DPP6: variants seen among roughly 807,000 people sequenced by gnomAD.
DPP6 encodes the protein dipeptidyl peptidase like 6.
A neutral mutation model predicts 122.6 loss-of-function variants in DPP6; 69 were observed. The observed-to-expected ratio is 0.56, with a 90% CI of 0.46 to 0.69. DPP6 has a LOEUF of 0.69. DPP6 is among the 30% of genes least tolerant of loss of function. DPP6 has a pLI of 0.00. For synonymous variants in DPP6, 418 were observed against 433.1 expected (o/e 0.97, Z 0.43); for missense variants, 928 against 1,116.9 (o/e 0.83, Z 2.41).
chr7:154,393,378 T>C (rs182692587), intron 1 of DPP6, among the ~76,000 whole-genome samples: 1 of 152,342 alleles, frequency 6.6e-6, no homozygotes, highest in African/African-American at 2.4e-5. Flanking sequence ...GCCTGGTATG[T>C]GGACCAAGTA....
intron 1 of DPP6, among the ~76,000 whole-genome samples, chr7:154,242,083 G>T (rs982257329): frequency 6.6e-6 from 1 of 152,202 alleles, no homozygotes; most frequent in Admixed American, 6.5e-5. Flanking sequence ...TCCTTAGAAA[G>T]TGCTGTCAGT....
At chr7:154,092,091 C>T (rs925800845) in intron 1 of DPP6, 3 of 152,224 alleles carry the variant, frequency 2.0e-5, no homozygotes. Context: ...CCTACCTGCT[C>T]TCCCACCTGT....
At chr7:154,220,422 G>A (rs1044576725) in intron 1 of DPP6, among the ~76,000 whole-genome samples, 2 of 152,154 alleles carry the variant, frequency 1.3e-5, no homozygotes, top group Non-Finnish European at 2.9e-5. Context: ...TAGCTAACTG[G>A]GGAAGGTGGG....
chr7:154,237,729 A>G (rs1189990917), intron 1 of DPP6, among the ~76,000 whole-genome samples: 2 of 152,198 alleles, frequency 1.3e-5, no homozygotes, highest in Non-Finnish European at 2.9e-5. Context: ...CAGATGCTTC[A>G]GGGATCTGCA....
At chr7:154,817,516 C>G (rs1799493954) in intron 16 of DPP6, among the ~76,000 whole-genome samples, 1 of 151,834 alleles carries the variant, frequency 6.6e-6, no homozygotes. Context: ...TCATGAGGGT[C>G]ATGAGTGATG....
intron 1 of DPP6, among the ~76,000 whole-genome samples, chr7:154,441,533 TCTC>T (rs931321955): frequency 2.6e-5 from 4 of 152,150 alleles, no homozygotes; most frequent in African/African-American, 7.2e-5. Flanking sequence ...ATTTGAATCT[TCTC>T]CTCTTCATAA....
intron 17 of DPP6, among the ~76,000 whole-genome samples, chr7:154,866,519 G>A (rs1803890332): frequency 6.6e-6 from 1 of 152,184 alleles, no homozygotes; most frequent in African/African-American, 2.4e-5. Context: ...TCAGAGTTAA[G>A]GTCAAGTCTA....
At chr7:154,558,624 C>T (rs1252595688) in intron 4 of DPP6, among the ~76,000 whole-genome samples, 1 of 152,216 alleles carries the variant, frequency 6.6e-6, no homozygotes, top group Non-Finnish European at 1.5e-5. Context: ...CAACTCTCTA[C>T]AGTTTTCAGT....
chr7:154,469,134 A>G (rs1000041650), intron 2 of DPP6, among the ~76,000 whole-genome samples: 2 of 152,334 alleles, frequency 1.3e-5, no homozygotes, highest in South Asian at 4.1e-4. Flanking sequence ...CTTGAAAGCA[A>G]ATAACTAGTT....
At chr7:154,843,682 C>T (rs1801733385) in intron 16 of DPP6, among the ~76,000 whole-genome samples, 1 of 152,226 alleles carries the variant, frequency 6.6e-6, no homozygotes, top group Admixed American at 6.5e-5. Context: ...GTTGTTTTTG[C>T]TGAAGCTGCT....
intron 16 of DPP6, among the ~76,000 whole-genome samples, chr7:154,814,974 T>C (rs1376986615): frequency 6.6e-6 from 1 of 152,146 alleles, no homozygotes; most frequent in East Asian, 1.9e-4. Flanking sequence ...CGTTTCCAAA[T>C]AAGGTCACAT....
chr7:154,253,897 C>T (rs77744498), intron 1 of DPP6, among the ~76,000 whole-genome samples: 5,938 of 152,246 alleles, frequency 0.039, 187 homozygotes, highest in East Asian at 0.13. Flanking sequence ...GGGGAAGCAA[C>T]TGTGTCTTCA....
At chr7:154,517,648 A>T (rs1826630512) in intron 3 of DPP6, among the ~76,000 whole-genome samples, 1 of 152,154 alleles carries the variant, frequency 6.6e-6, no homozygotes, top group African/African-American at 2.4e-5. Flanking sequence ...TGTTTAAGGG[A>T]AGAAAATTTA....
chr7:154,249,824 G>T (rs1254727105), intron 1 of DPP6, among the ~76,000 whole-genome samples: 2 of 152,134 alleles, frequency 1.3e-5, no homozygotes, highest in East Asian at 3.9e-4. Flanking sequence ...CTAGAGTCTA[G>T]ATGATGGAGG....
intron 1 of DPP6, among the ~76,000 whole-genome samples, chr7:154,435,951 T>C (rs1014086840): frequency 1.3e-5 from 2 of 152,196 alleles, no homozygotes; most frequent in Non-Finnish European, 2.9e-5. Flanking sequence ...TGTGTGAATA[T>C]CTTACTTTTT....
intron 17 of DPP6, chr7:154,865,434 C>T (rs886216344): frequency 7.9e-5 from 12 of 152,230 alleles, no homozygotes; most frequent in African/African-American, 2.9e-4. Context: ...CTACAATAAG[C>T]TGGAGTTTGG....
intron 17 of DPP6, among the ~76,000 whole-genome samples, chr7:154,857,625 T>C (rs1176476468): frequency 6.6e-6 from 1 of 152,232 alleles, no homozygotes; most frequent in Non-Finnish European, 1.5e-5. Flanking sequence ...TCATTTTGTC[T>C]GTCAAACTGG....
chr7:154,623,125 T>A (rs1478088607), intron 5 of DPP6, among the ~76,000 whole-genome samples: 4 of 152,186 alleles, frequency 2.6e-5, no homozygotes, highest in Non-Finnish European at 4.4e-5. Context: ...TGGCCTTTAC[T>A]TGGTGAGATA....
intron 17 of DPP6, among the ~76,000 whole-genome samples, chr7:154,858,028 T>C (rs1420591001): frequency 6.6e-6 from 1 of 152,198 alleles, no homozygotes; most frequent in Non-Finnish European, 1.5e-5. Context: ...ACACCACTTG[T>C]ACTTGTTCCA....
Sources: gnomAD v4.1 joint callset for allele counts (sites outside exome capture counted in the v4.1 genomes callset) on GRCh38, gnomAD v4.1.1 for gene constraint, MANE v1.5 for transcripts, NCBI Gene and HGNC (gene_info 2026-07-23, HGNC 2026-07-21) for gene names.